UBTD2: variants seen among roughly 807,000 people sequenced by gnomAD.
UBTD2 encodes ubiquitin domain-containing protein 2.
In UBTD2, 9 loss-of-function variants were observed where a neutral mutation model predicts 19.8. The ratio of observed to expected loss-of-function variants is 0.46; its 90% CI spans 0.27 to 0.79. UBTD2 has a LOEUF of 0.79. UBTD2 is among the 30% of genes least tolerant of loss of function. The pLI is 0.14. For missense variants in UBTD2, 250 were observed against 300.4 expected (o/e 0.83, Z 1.24); for synonymous variants, 98 against 103.9 (o/e 0.94, Z 0.35).
At chr5:172,274,574 G>A (rs1755569720) in intron 1 of UBTD2, among the ~76,000 whole-genome samples, 1 of 152,146 alleles carries the variant, frequency 6.6e-6, no homozygotes, top group African/African-American at 2.4e-5. Flanking sequence ...TCTTGGTGAA[G>A]AAAGTCTTAC....
chr5:172,228,708 T>G (rs1771827955), intron 2 of UBTD2, among the ~76,000 whole-genome samples: 2 of 151,738 alleles, frequency 1.3e-5, no homozygotes, highest in African/African-American at 2.4e-5. Context: ...GTGACAGAGC[T>G]AGACTCCGTC....
At chr5:172,264,099 G>T (rs1409841082) in intron 1 of UBTD2, among the ~76,000 whole-genome samples, 3 of 151,586 alleles carry the variant, frequency 2.0e-5, no homozygotes, top group Non-Finnish European at 4.4e-5. Context: ...TGTTTTTTTT[G>T]AAACAGGGTC....
At chr5:172,265,933 T>G (rs901034829) in intron 1 of UBTD2, among the ~76,000 whole-genome samples, 3 of 151,506 alleles carry the variant, frequency 2.0e-5, no homozygotes, top group Non-Finnish European at 2.9e-5. Flanking sequence ...CATTGTTTTT[T>G]TTTTTGTTTT....
chr5:172,227,128 G>A (rs1771784229), intron 2 of UBTD2, among the ~76,000 whole-genome samples: 1 of 152,100 alleles, frequency 6.6e-6, no homozygotes, highest in South Asian at 2.1e-4. Flanking sequence ...CATACTCCCT[G>A]GGACCATGTA....
At chr5:172,263,040 C>A (rs1184368255) in intron 1 of UBTD2, among the ~76,000 whole-genome samples, 1 of 151,960 alleles carries the variant, frequency 6.6e-6, no homozygotes, top group South Asian at 2.1e-4. Context: ...TCCGGGCGAG[C>A]GATCCTCCCA....
chr5:172,230,025 G>A (rs1474774154), intron 2 of UBTD2, among the ~76,000 whole-genome samples: 2 of 152,106 alleles, frequency 1.3e-5, no homozygotes, highest in Admixed American at 6.6e-5. Flanking sequence ...TGCAAATCAT[G>A]AAAAATAAAG....
At chr5:172,226,881 T>C (rs1243195979) in intron 2 of UBTD2, among the ~76,000 whole-genome samples, 1 of 152,222 alleles carries the variant, frequency 6.6e-6, no homozygotes, top group Non-Finnish European at 1.5e-5. Flanking sequence ...ACTAAGTCTA[T>C]CATCTCTTTT....
Position 172,234,128 on chromosome 5 carries a change from G to A in UBTD2, c.301C>T (p.Pro101Ser). 1 of 1,613,982 alleles carries A rather than the reference G, an allele frequency of 6.2e-7. No homozygotes were observed. Among genetic ancestry groups the A allele is most frequent in the Non-Finnish European group, 8.5e-7 (1 of 1,179,908 alleles). The stretch of plus-strand genomic sequence containing the variant: ...TGAGGAACACCAAACCTACCATGTG[G>A]TAATGTTATGTTTGCACCATCAATG... ...AIIDGANITL[P>S]HGALTECYDE... The change falls in exon 2 of 3, where the codon CCA becomes TCA. Residue 101 changes from proline (P) to serine (S), a missense_variant. Physicochemically the swap from Pro to Ser is moderately conservative, Grantham distance 74. Transcript: ENST00000393792.
At chr5:172,251,314 C>CAAA (rs57577423) in intron 1 of UBTD2, among the ~76,000 whole-genome samples, 2 of 118,218 alleles carry the variant, frequency 1.7e-5, no homozygotes, top group Non-Finnish European at 3.4e-5. Context: ...GAGCCTATCT[C>CAAA]AAAAAAAAAA....
intron 1 of UBTD2, among the ~76,000 whole-genome samples, chr5:172,236,740 A>T (rs1192388840): frequency 1.3e-5 from 2 of 152,220 alleles, no homozygotes; most frequent in Non-Finnish European, 2.9e-5. Flanking sequence ...CTGGCCTCAT[A>T]TGTATTAAAT....
At chr5:172,263,285 A>G (rs1034370495) in intron 1 of UBTD2, among the ~76,000 whole-genome samples, 6 of 152,184 alleles carry the variant, frequency 3.9e-5, no homozygotes, top group African/African-American at 1.4e-4. Context: ...TGAGATAGTT[A>G]CATACAAGTT....
At chr5:172,217,415 T>C (rs993099080) in intron 2 of UBTD2, among the ~76,000 whole-genome samples, 10 of 87,032 alleles carry the variant, frequency 1.1e-4, no homozygotes, top group African/African-American at 6.2e-4. Context: ...CGAGACTCTG[T>C]CTCAAAAAAA....
At chr5:172,253,295 A>G (rs1024020168) in intron 1 of UBTD2, among the ~76,000 whole-genome samples, 2 of 152,200 alleles carry the variant, frequency 1.3e-5, no homozygotes, top group Admixed American at 6.5e-5. Flanking sequence ...AGAAAGAAAT[A>G]CTATATTCTT....
chr5:172,261,689 A>C (rs1260415110), intron 1 of UBTD2, among the ~76,000 whole-genome samples: 1 of 151,792 alleles, frequency 6.6e-6, no homozygotes, highest in Non-Finnish European at 1.5e-5. Flanking sequence ...TAGTGGCACG[A>C]TCTCGGCTCA....
At chr5:172,282,041 A>G (rs775398275) in intron 1 of UBTD2, among the ~76,000 whole-genome samples, 2 of 152,244 alleles carry the variant, frequency 1.3e-5, no homozygotes, top group African/African-American at 2.4e-5. Context: ...GCTTAAATAA[A>G]TTAATCCACA....
chr5:172,235,728 A>T (rs1466307856), intron 1 of UBTD2, among the ~76,000 whole-genome samples: 2 of 152,190 alleles, frequency 1.3e-5, no homozygotes, highest in Admixed American at 6.5e-5. Context: ...TCCATGGGTC[A>T]TACTGACCTA....
chr5:172,219,406 G>A (rs531699949), intron 2 of UBTD2, among the ~76,000 whole-genome samples: 1 of 152,278 alleles, frequency 6.6e-6, no homozygotes, highest in Non-Finnish European at 1.5e-5. Flanking sequence ...TGAGTAGCAT[G>A]ATAAAATCTC....
intron 2 of UBTD2, among the ~76,000 whole-genome samples, chr5:172,215,657 CATG>C (rs1310303000): frequency 1.3e-5 from 2 of 152,120 alleles, no homozygotes; most frequent in African/African-American, 2.4e-5. Flanking sequence ...GAATTTAAAA[CATG>C]ATTAATATGC....
chr5:172,272,809 G>A (rs1007307343), intron 1 of UBTD2, among the ~76,000 whole-genome samples: 8 of 152,010 alleles, frequency 5.3e-5, no homozygotes, highest in East Asian at 1.9e-4. Context: ...GGCCAGGTGC[G>A]GTCGCTCACG....
Sources: allele counts gnomAD v4.1 joint callset (sites outside exome capture counted in the v4.1 genomes callset), GRCh38; gene constraint gnomAD v4.1.1; transcripts MANE v1.5; gene names NCBI Gene and HGNC (gene_info 2026-07-23, HGNC 2026-07-21).